FBXL7: variants seen among roughly 807,000 people sequenced by gnomAD.
FBXL7 encodes the protein F-box/LRR-repeat protein 7.
A neutral mutation model predicts 38.3 loss-of-function variants in FBXL7; 12 were observed. The ratio of observed to expected loss-of-function variants is 0.31; its 90% CI spans 0.20 to 0.51. FBXL7 has a LOEUF of 0.51. Ranked by LOEUF, FBXL7 falls within the 20% of genes least tolerant of loss-of-function variation. FBXL7 has a pLI of 0.98. For synonymous variants in FBXL7, 297 were observed against 300.9 expected, an observed-to-expected ratio of 0.99 and a Z score of 0.13; for missense variants, 567 against 676.4, an observed-to-expected ratio of 0.84 and a Z score of 1.79.
intron 2 of FBXL7, among the ~76,000 whole-genome samples, chr5:15,923,071 A>G (rs1741785197): frequency 1.3e-5 from 2 of 152,218 alleles, no homozygotes; most frequent in Admixed American, 1.3e-4. Context: ...CAATGTCGTA[A>G]GACCAGGAGG....
chr5:15,879,042 G>T (rs1169694157), intron 2 of FBXL7, among the ~76,000 whole-genome samples: 3 of 152,184 alleles, frequency 2.0e-5, no homozygotes, highest in Non-Finnish European at 4.4e-5. Flanking sequence ...GACTTGGATA[G>T]TTTTCTGGGT....
At chr5:15,796,256 G>A (rs1737413330) in intron 2 of FBXL7, among the ~76,000 whole-genome samples, 1 of 152,184 alleles carries the variant, frequency 6.6e-6, no homozygotes, top group Non-Finnish European at 1.5e-5. Flanking sequence ...CAGCCCAAAG[G>A]GCAGGTGAGT....
At chr5:15,917,541 A>G (rs1351893483) in intron 2 of FBXL7, among the ~76,000 whole-genome samples, 2 of 151,968 alleles carry the variant, frequency 1.3e-5, no homozygotes, top group African/African-American at 4.8e-5. Flanking sequence ...CCAGGGGTTC[A>G]AGGTTGCAGT....
At chr5:15,916,143 G>A in intron 2 of FBXL7, among the ~76,000 whole-genome samples, 1 of 152,286 alleles carries the variant, frequency 6.6e-6, no homozygotes, top group East Asian at 1.9e-4. Flanking sequence ...GAGAGGACTA[G>A]TTGTCCATAG....
intron 1 of FBXL7, among the ~76,000 whole-genome samples, chr5:15,612,761 G>T (rs1389062149): frequency 6.6e-6 from 1 of 152,204 alleles, no homozygotes; most frequent in Non-Finnish European, 1.5e-5. Flanking sequence ...CTTTGTAGGA[G>T]GGAAGGGTTC....
intron 2 of FBXL7, among the ~76,000 whole-genome samples, chr5:15,756,708 T>A (rs1319040783): frequency 6.6e-6 from 1 of 152,198 alleles, no homozygotes; most frequent in Non-Finnish European, 1.5e-5. Flanking sequence ...ATGGCTCATT[T>A]TTAATGACTA....
chr5:15,875,737 A>G (rs1386375337), intron 2 of FBXL7, among the ~76,000 whole-genome samples: 3 of 152,206 alleles, frequency 2.0e-5, no homozygotes, highest in African/African-American at 4.8e-5. Flanking sequence ...GTGATCATTA[A>G]AAAGTCAGGA....
chr5:15,667,177 C>T (rs1411371093), intron 2 of FBXL7, among the ~76,000 whole-genome samples: 1 of 152,152 alleles, frequency 6.6e-6, no homozygotes, highest in Non-Finnish European at 1.5e-5. Context: ...TAACATTTCA[C>T]ATTCAAATTA....
rs949116046 is a variant in FBXL7, at chr5:15,661,504, A to G, written c.127+45432A>G. ...TCAGGAAGCAAAGCATTGTCTTCAA[A>G]TAATATATAGTTAGTTATAAGTTTT... On this transcript the variant is annotated intron_variant, in intron 2 of 3. Coordinates refer to ENST00000504595, the MANE Select transcript of FBXL7 (RefSeq NM_012304.5). Among the ~76,000 whole-genome samples the G allele has an allele frequency of 3.9e-5, 6 of 152,306 alleles. No homozygotes were observed. In the East Asian group the frequency reaches 1.2e-3, roughly 29 times the overall value.
At chr5:15,583,504 G>A (rs1260437472) in intron 1 of FBXL7, among the ~76,000 whole-genome samples, 11 of 152,196 alleles carry the variant, frequency 7.2e-5, no homozygotes, top group Admixed American at 7.2e-4. Context: ...CAGGCATTGG[G>A]TAAACATACT....
At chr5:15,639,971 G>C (rs1212063455) in intron 2 of FBXL7, among the ~76,000 whole-genome samples, 1 of 152,018 alleles carries the variant, frequency 6.6e-6, no homozygotes, top group African/African-American at 2.4e-5. Flanking sequence ...CGTAATTGAG[G>C]CAGGGGCAGT....
chr5:15,680,585 A>G (rs910728596), intron 2 of FBXL7, among the ~76,000 whole-genome samples: 16 of 152,018 alleles, frequency 1.1e-4, no homozygotes, highest in African/African-American at 3.9e-4. Flanking sequence ...GTAGGGGAAA[A>G]CAACTGTAAA....
chr5:15,595,112 G>A (rs1241348000), intron 1 of FBXL7, among the ~76,000 whole-genome samples: 3 of 152,020 alleles, frequency 2.0e-5, no homozygotes, highest in East Asian at 1.9e-4. Flanking sequence ...ATGATCCCAG[G>A]GCATGTAAGA....
chr5:15,699,214 A>G lies in FBXL7; in HGVS notation c.127+83142A>G, dbSNP rs564150815. On this transcript the variant is annotated intron_variant, in intron 2 of 3. Transcript: ENST00000504595. The stretch of plus-strand genomic sequence containing the variant: ...ATGTTCATTTTCTGGGGGCTACCGA[A>G]ACAAAGTACCATACATTGGGTGGCT... 2.4e-4 allele frequency among the ~76,000 whole-genome samples: 36 copies of G among 152,282 alleles called. 1 individual carries two copies. The South Asian group carries it at 6.8e-3, about 29-fold the overall frequency.
chr5:15,585,058 ATAAT>A (rs1240962459), intron 1 of FBXL7, among the ~76,000 whole-genome samples: 1 of 152,240 alleles, frequency 6.6e-6, no homozygotes, highest in East Asian at 1.9e-4. Flanking sequence ...TTTATAATTT[ATAAT>A]TAATTATTAA....
At chr5:15,689,479 G>A (rs192116803) in intron 2 of FBXL7, among the ~76,000 whole-genome samples, 7 of 151,984 alleles carry the variant, frequency 4.6e-5, no homozygotes, top group African/African-American at 1.2e-4. Flanking sequence ...TGCTACCTGC[G>A]GTGTACACAT....
At chr5:15,869,578 A>G (rs1405275110) in intron 2 of FBXL7, among the ~76,000 whole-genome samples, 1 of 152,126 alleles carries the variant, frequency 6.6e-6, no homozygotes, top group East Asian at 1.9e-4. Flanking sequence ...ATCCTTCTCT[A>G]AATAGCAGAT....
intron 3 of FBXL7, among the ~76,000 whole-genome samples, chr5:15,934,266 A>C (rs1742119064): frequency 6.6e-6 from 1 of 152,208 alleles, no homozygotes; most frequent in African/African-American, 2.4e-5. Flanking sequence ...GGGCCTCCCA[A>C]AGTGCTGGGA....
At chr5:15,684,537 T>C (rs116404801) in intron 2 of FBXL7, among the ~76,000 whole-genome samples, 169 of 152,318 alleles carry the variant, frequency 1.1e-3, no homozygotes, top group African/African-American at 3.9e-3. Context: ...TGTGTTATCT[T>C]ACCAGGCAAA....
Sources: allele counts gnomAD v4.1 joint callset (sites outside exome capture counted in the v4.1 genomes callset), GRCh38; gene constraint gnomAD v4.1.1; transcripts MANE v1.5; gene names NCBI Gene and HGNC (gene_info 2026-07-23, HGNC 2026-07-21).